DDX42: variants seen among roughly 807,000 people sequenced by gnomAD.
DDX42 encodes the protein DEAD-box helicase 42.
In DDX42, 22 loss-of-function variants were observed where a neutral mutation model predicts 101.5. The observed-to-expected ratio is 0.22, with a 90% CI of 0.15 to 0.31. DDX42 has a LOEUF of 0.31. Ranked by LOEUF, DDX42 falls within the 10% of genes least tolerant of loss-of-function variation. The pLI is 1.00. For missense variants in DDX42, 849 were observed against 1,199.9 expected (o/e 0.71, Z 4.32); for synonymous variants, 402 against 401.2 (o/e 1.00, Z -0.02).
intron 17 of DDX42, 113 bp downstream of exon 17, chr17:63,817,079 G>A: frequency 1.3e-6 from 1 of 777,008 alleles, no homozygotes; most frequent in Non-Finnish European, 2.1e-6. Context: ...GCTAGATTTA[G>A]GGTCTTCACG....
At chr17:63,815,829 C>T (rs1306551782) in intron 16 of DDX42, 156 bp downstream of exon 16, 4 of 420,018 alleles carry the variant, frequency 9.5e-6, no homozygotes, top group Middle Eastern at 4.6e-4. Context: ...ATGCAGTGCT[C>T]ATTCTTATGG....
intron 2 of DDX42, among the ~76,000 whole-genome samples, chr17:63,789,897 A>G (rs2039604988): frequency 1.3e-5 from 2 of 152,298 alleles, no homozygotes; most frequent in South Asian, 4.1e-4. Context: ...GTACACAGTA[A>G]TATTTTAGAA....
At chr17:63,795,049 GGAAA>G (rs2039676532) in intron 3 of DDX42, among the ~76,000 whole-genome samples, 2 of 152,134 alleles carry the variant, frequency 1.3e-5, no homozygotes, top group African/African-American at 4.8e-5. Flanking sequence ...AAGGAAGTAG[GGAAA>G]GAAATAATCC....
At chr17:63,815,356 G>C (rs768377580) in intron 15 of DDX42, among the ~76,000 whole-genome samples, 1 of 152,186 alleles carries the variant, frequency 6.6e-6, no homozygotes, top group African/African-American at 2.4e-5. Context: ...CTTAGATAAG[G>C]ATCTCAGCCA....
intron 4 of DDX42, among the ~76,000 whole-genome samples, chr17:63,798,678 G>A (rs1342874806): frequency 6.6e-6 from 1 of 152,202 alleles, no homozygotes; most frequent in Non-Finnish European, 1.5e-5. Context: ...AGCAGCCATA[G>A]TCAGAACTTG....
chr17:63,774,847 C>T (rs2039398481), intron 1 of DDX42: 1 of 152,208 alleles, frequency 6.6e-6, no homozygotes, highest in Non-Finnish European at 1.5e-5. Flanking sequence ...CGATTATTAG[C>T]ATCACTGTAG....
In DDX42 at chr17:63,806,799, A is replaced by G. The variant is rs1013316480; in HGVS notation, c.846+145A>G. ...AGGTATTTATCACTCTTAAGAAGTC[A>G]CTAAATGGCTGACAAATATTCTTTT... On this transcript the variant is annotated intron_variant, in intron 8 of 17. Transcript: ENST00000389924. The G allele has an allele frequency of 1.8e-5, 15 of 819,618 alleles. No individual in the cohort carries two copies. In the East Asian group the frequency reaches 4.3e-4, roughly 24 times the overall value. 50.8% of individuals were successfully genotyped at this position (819,618 alleles called of 1,614,324 possible).
intron 6 of DDX42, among the ~76,000 whole-genome samples, chr17:63,801,215 A>C (rs894534249): frequency 6.6e-6 from 1 of 151,830 alleles, no homozygotes; most frequent in Admixed American, 6.6e-5. Context: ...ATGCCTGGCT[A>C]ATTTTTTTTA....
At chr17:63,794,302 G>A (rs928970492) in intron 3 of DDX42, among the ~76,000 whole-genome samples, 11 of 152,018 alleles carry the variant, frequency 7.2e-5, no homozygotes, top group Non-Finnish European at 1.5e-4. Flanking sequence ...CCAGCATTTC[G>A]GGAGGCTGAG....
At chr17:63,777,118 A>T (rs994250917) in intron 1 of DDX42, among the ~76,000 whole-genome samples, 1 of 152,178 alleles carries the variant, frequency 6.6e-6, no homozygotes, top group Non-Finnish European at 1.5e-5. Context: ...TGTGTTGCCC[A>T]GGCTGGTCTC....
intron 2 of DDX42, among the ~76,000 whole-genome samples, chr17:63,790,186 T>C (rs1000066153): frequency 6.6e-6 from 1 of 152,154 alleles, no homozygotes; most frequent in Non-Finnish European, 1.5e-5. Context: ...ACTATATGAA[T>C]GAATATGCAT....
At chr17:63,783,584 G>T (rs1177064292) in intron 1 of DDX42, among the ~76,000 whole-genome samples, 4 of 152,130 alleles carry the variant, frequency 2.6e-5, no homozygotes, top group Non-Finnish European at 5.9e-5. Flanking sequence ...TTGATTCCTT[G>T]ATTGAAGGAA....
chr17:63,783,373 C>T (rs1460381810), intron 1 of DDX42, among the ~76,000 whole-genome samples: 1 of 152,180 alleles, frequency 6.6e-6, no homozygotes, highest in Admixed American at 6.5e-5. Flanking sequence ...CCTTTCTTTG[C>T]CTTCTCATCC....
intron 3 of DDX42, among the ~76,000 whole-genome samples, chr17:63,796,159 G>A (rs890361717): frequency 6.6e-6 from 1 of 152,200 alleles, no homozygotes; most frequent in South Asian, 2.1e-4. Context: ...ATCTGGTCTC[G>A]TTATTTCTTG....
intron 3 of DDX42, 70 bp downstream of exon 3, chr17:63,792,632 A>G: frequency 6.9e-7 from 1 of 1,449,984 alleles, no homozygotes; most frequent in Non-Finnish European, 9.1e-7. Context: ...AGTACTTCAA[A>G]TCTTATTCAA....
Position 63,792,422 on chromosome 17 carries a change from G to A in DDX42, c.232G>A (p.Asp78Asn). 3 of 1,611,390 alleles carry A rather than the reference G, an allele frequency of 1.9e-6. No homozygotes were observed. The highest frequency in any genetic ancestry group is 2.5e-6 in the Non-Finnish European group (3 of 1,178,846). ...CTTTCTAATTCTCAGCTATTTTGAA[G>A]ATGAGGAAGAAGATTCTAGCAACGT... ...NFDEENAYFE[D>N]EEEDSSNVDL... The change falls in exon 3 of 18, where the codon GAT (aspartate) becomes AAT (asparagine). Residue 78 changes from aspartate (D) to asparagine (N), a missense_variant. Asp to Asn is a conservative substitution (Grantham distance 23). This residue lies in a region of DDX42 where 92 missense variants were observed against 106.7 expected (regional missense o/e 0.86). Transcript: ENST00000389924.
chr17:63,796,612 G>A (rs985737397), intron 3 of DDX42, among the ~76,000 whole-genome samples: 5 of 152,156 alleles, frequency 3.3e-5, no homozygotes, highest in Non-Finnish European at 7.3e-5. Flanking sequence ...CACCGCACCC[G>A]GCCCAGATGT....
chr17:63,792,211 C>CT (rs1272609947), intron 2 of DDX42, among the ~76,000 whole-genome samples: 1 of 152,058 alleles, frequency 6.6e-6, no homozygotes, highest in African/African-American at 2.4e-5. Context: ...CTTGTGATTA[C>CT]TTTTTTGTAA....
chr17:63,788,230 C>T (rs1304458866), intron 2 of DDX42, among the ~76,000 whole-genome samples: 1 of 149,840 alleles, frequency 6.7e-6, no homozygotes. Flanking sequence ...CAGTCTTTTA[C>T]TGACACCATA....
Sources: allele counts gnomAD v4.1 joint callset (sites outside exome capture counted in the v4.1 genomes callset), GRCh38; gene constraint gnomAD v4.1.1; regional missense constraint gnomAD v4.1.1; transcripts MANE v1.5; gene names NCBI Gene and HGNC (gene_info 2026-07-23, HGNC 2026-07-21).